Variants in TET3 observed in about 807,000 individuals in gnomAD.
The protein encoded by TET3 is methylcytosine dioxygenase TET3.
TET3 carries 19 observed loss-of-function variants against 141.4 expected under a neutral mutation model. The ratio of observed to expected loss-of-function variants is 0.13; its 90% CI spans 0.09 to 0.20. The LOEUF (loss-of-function observed/expected upper bound fraction) is 0.20, where lower values mean the gene tolerates loss of function less well. TET3 is among the 10% of genes least tolerant of loss of function. TET3 has a pLI of 1.00. For synonymous variants in TET3, 1,043 were observed against 980.9 expected (o/e 1.06, Z -1.18); for missense variants, 1,874 against 2,356.9 (o/e 0.80, Z 4.24).
At chr2:74,052,243 G>A (rs892673458) in intron 4 of TET3, among the ~76,000 whole-genome samples, 1 of 152,116 alleles carries the variant, frequency 6.6e-6, no homozygotes, top group Non-Finnish European at 1.5e-5. Context: ...GCCTCCCAAA[G>A]TGCTAGGATT....
Position 73,986,532 on chromosome 2 carries a change from A to C in TET3, c.129A>C (p.Gln43His). ...SGLSMAGSES[Q>H]LRGGGDGRKK... is the part of the protein sequence containing the mutation. ...TCTCCATGGCTGGGAGTGAGTCCCAACTCCGAGGGGGTGGAGATGGTCGAA... is the reference window on the plus strand; with the variant it reads ...TCTCCATGGCTGGGAGTGAGTCCCACCTCCGAGGGGGTGGAGATGGTCGAA... Residue 43 changes from glutamine to histidine, a missense_variant, in exon 2 of 12, where the codon CAA becomes CAC. Physicochemically the swap from Gln to His is conservative, Grantham distance 24. This residue lies in a region of TET3 where 366 missense variants were observed against 487.0 expected (regional missense o/e 0.75). Coordinates refer to ENST00000409262, the MANE Select transcript of TET3 (RefSeq NM_001287491.2). 1.6e-5 allele frequency: 20 copies of C among 1,232,022 alleles called. No individual in the cohort carries two copies. The highest frequency in any genetic ancestry group is 2.0e-5 in the Non-Finnish European group (20 of 987,990). The allele number at this position is 1,232,022 out of a possible 1,614,324, so 76.3% of individuals were successfully genotyped here.
At chr2:74,029,050 C>G (rs1686530070) in intron 3 of TET3, among the ~76,000 whole-genome samples, 1 of 152,190 alleles carries the variant, frequency 6.6e-6, no homozygotes, top group South Asian at 2.1e-4. Context: ...TGATTGTTAC[C>G]TTGGGGTACT....
chr2:73,983,754 C>T (rs988880219), upstream of TET3, among the ~76,000 whole-genome samples: 1 of 152,220 alleles, frequency 6.6e-6, no homozygotes, highest in African/African-American at 2.4e-5. Context: ...TACCTGGCTC[C>T]GTGAGCACCG....
At chr2:74,098,703 C>T (rs992661148) in intron 10 of TET3, among the ~76,000 whole-genome samples, 1 of 151,748 alleles carries the variant, frequency 6.6e-6, no homozygotes, top group Non-Finnish European at 1.5e-5. Flanking sequence ...AAGCAATTCT[C>T]CTGTCTCAGC....
chr2:74,053,476 A>G (rs937566223), intron 4 of TET3, among the ~76,000 whole-genome samples: 5 of 152,204 alleles, frequency 3.3e-5, no homozygotes, highest in Non-Finnish European at 5.9e-5. Flanking sequence ...TTAGTTTGTA[A>G]GCGTTGTCCT....
intron 4 of TET3, among the ~76,000 whole-genome samples, chr2:74,053,290 A>C (rs1393758710): frequency 6.6e-6 from 1 of 152,194 alleles, no homozygotes; most frequent in African/African-American, 2.4e-5. Context: ...CAGGACAAGG[A>C]GCTATAGAGA....
intron 3 of TET3, among the ~76,000 whole-genome samples, chr2:74,027,714 G>A (rs1686452164): frequency 6.6e-6 from 1 of 152,094 alleles, no homozygotes; most frequent in South Asian, 2.1e-4. Context: ...TTTCATGACT[G>A]CATAATATTC....
chr2:74,006,066 C>G (rs1207155688), intron 3 of TET3, among the ~76,000 whole-genome samples: 1 of 145,098 alleles, frequency 6.9e-6, no homozygotes, highest in Non-Finnish European at 1.5e-5. Context: ...TGCCTTCTGT[C>G]TCTCCTTTTG....
downstream of TET3, among the ~76,000 whole-genome samples, chr2:74,111,385 C>T (rs1691700876): frequency 6.6e-6 from 1 of 152,204 alleles, no homozygotes; most frequent in South Asian, 2.1e-4. Context: ...CCAAAACTGA[C>T]CTCTCAACTC....
At chr2:74,120,531 A>G in the TET3 span, 1 of 152,350 alleles carries the variant, frequency 6.6e-6, no homozygotes, top group Non-Finnish European at 1.5e-5. Context: ...GCGGCCCTGC[A>G]GGCGTCGTCG....
At chr2:74,088,269 A>G (rs191348452) in intron 7 of TET3, among the ~76,000 whole-genome samples, 110 of 152,318 alleles carry the variant, frequency 7.2e-4, no homozygotes, top group African/African-American at 2.6e-3. Context: ...GTTAAACCCC[A>G]GGTCGATAAC....
chr2:74,065,979 G>T (rs1337122179), intron 4 of TET3, among the ~76,000 whole-genome samples: 3 of 152,032 alleles, frequency 2.0e-5, no homozygotes, highest in Non-Finnish European at 4.4e-5. Context: ...AAATGGTCTC[G>T]ATCTCCTGAC....
Position 74,101,145 on chromosome 2 carries a change from G to A in TET3, c.4357G>A (p.Gly1453Ser), listed in dbSNP as rs773211622. 4.3e-6 allele frequency: 7 copies of A among 1,613,840 alleles called. No homozygotes were observed. The highest frequency in any genetic ancestry group is 3.3e-5 in the South Asian group (3 of 91,042). The stretch of plus-strand genomic sequence containing the variant: ...GTCCCCCAAGAGGACTAACGGTGTG[G>A]GTGGCAGCTGGGGTGTGTTCTCGTC... ...SMSPKRTNGV[G>S]GSWGVFSSGE... The change falls in exon 12 of 12, where the codon GGT becomes AGT. Residue 1453 changes from glycine (G) to serine (S), a missense_variant. Gly to Ser is a moderately conservative substitution (Grantham distance 56). Around this residue, in one of 10 missense-constraint regions of TET3, gnomAD observed 602 missense variants for 590.2 expected, o/e 1.02. Transcript: ENST00000409262. The surrounding 1 kb of genome is among the most constrained non-coding windows in gnomAD (Gnocchi z 8.5).
rs747268531 is a variant in TET3, at chr2:74,101,030, T to C, written c.4242T>C (p.Ala1414=). 1.2e-6 allele frequency: 2 copies of C among 1,613,236 alleles called. No individual in the cohort carries two copies. Among genetic ancestry groups the C allele is most frequent in the South Asian group, 2.2e-5 (2 of 90,924 alleles). Residue 1414 remains alanine, a synonymous_variant, in exon 12 of 12, where the codon GCT becomes GCC. Coordinates refer to ENST00000409262, the MANE Select transcript of TET3 (RefSeq NM_001287491.2). The surrounding 1 kb of genome is among the most constrained non-coding windows in gnomAD (Gnocchi z 8.5). The part of the protein sequence containing the change: ...LTQAEPVPRD[A]GKMGKTPLSE... ...AGGCTGAGCCTGTGCCCAGAGACGC[T>C]GGCAAGATGGGCAAGACACCTCTGT... is the stretch of plus-strand genomic sequence containing the variant.
intron 2 of TET3, among the ~76,000 whole-genome samples, chr2:73,997,278 C>G (rs1404078989): frequency 6.6e-6 from 1 of 152,212 alleles, no homozygotes; most frequent in Non-Finnish European, 1.5e-5. Flanking sequence ...AGAGTCTGCT[C>G]CACTGCTGAG....
At chr2:74,092,168 G>A (rs1248948260) in intron 8 of TET3, among the ~76,000 whole-genome samples, 1 of 152,176 alleles carries the variant, frequency 6.6e-6, no homozygotes, top group African/African-American at 2.4e-5. Flanking sequence ...TTAGCCGGCT[G>A]TGGGCACCTC....
chr2:74,113,084 C>T (rs1052090937), downstream of TET3, among the ~76,000 whole-genome samples: 2 of 146,320 alleles, frequency 1.4e-5, no homozygotes, highest in African/African-American at 5.1e-5. Flanking sequence ...AGCTTTTCCT[C>T]TGAGAACTGG....
At chr2:74,075,861 C>T (rs1350155319) in intron 5 of TET3, among the ~76,000 whole-genome samples, 1 of 152,126 alleles carries the variant, frequency 6.6e-6, no homozygotes, top group Non-Finnish European at 1.5e-5. Context: ...AAGCTGTGTG[C>T]AGTGTTGTCG....
chr2:74,001,929 G>C (rs1015307621), intron 2 of TET3, among the ~76,000 whole-genome samples: 1 of 152,098 alleles, frequency 6.6e-6, no homozygotes, highest in Non-Finnish European at 1.5e-5. Context: ...TTGGTGGGGA[G>C]GCTGTCTTGG....
Sources: gnomAD v4.1 joint callset for allele counts (sites outside exome capture counted in the v4.1 genomes callset) on GRCh38, gnomAD v4.1.1 for gene constraint, gnomAD v4.1.1 regional missense constraint, Gnocchi (gnomAD v3.1) non-coding constraint, MANE v1.5 for transcripts, NCBI Gene and HGNC (gene_info 2026-07-23, HGNC 2026-07-21) for gene names.